Variants in EXOSC10 observed in about 807,000 individuals in gnomAD.
EXOSC10 encodes exosome component 10, also known as exosome complex component 10.
EXOSC10 carries 94 observed loss-of-function variants against 126.6 expected under a neutral mutation model. The ratio of observed to expected loss-of-function variants is 0.74; its 90% confidence interval spans 0.63 to 0.88. EXOSC10 has a LOEUF of 0.88. Among genes scored for constraint, EXOSC10 ranks in the 40% least tolerant of loss-of-function variants. The probability of loss-of-function intolerance (pLI) is 0.00; values close to 1 mark genes in which losing one functional copy is unlikely to be tolerated. For synonymous variants in EXOSC10, 395 were observed against 400.8 expected, an observed-to-expected ratio of 0.99 and a Z score of 0.17; for missense variants, 1,041 against 1,100.5, an observed-to-expected ratio of 0.95 and a Z score of 0.77.
chr1:11,095,118 A>G (rs1474090194), intron 3 of EXOSC10, among the ~76,000 whole-genome samples: 1 of 150,048 alleles, frequency 6.7e-6, no homozygotes, highest in Admixed American at 6.7e-5. Flanking sequence ...AGGCTGAGGT[A>G]GGAGAATCGC....
chr1:11,099,556 C>T (rs1045408477), intron 1 of EXOSC10, 165 bp downstream of exon 1: 6 of 640,996 alleles, frequency 9.4e-6, no homozygotes, highest in Admixed American at 7.6e-5. Flanking sequence ...TTCCGAGGCC[C>T]CATCCCCGGA....
At chr1:11,098,593 T>A (rs1371568139) in intron 1 of EXOSC10, among the ~76,000 whole-genome samples, 1 of 152,240 alleles carries the variant, frequency 6.6e-6, no homozygotes, top group Non-Finnish European at 1.5e-5. Context: ...TCTTGGCACA[T>A]AAGCGTTATT....
At position 11,081,093 on chromosome 1, in the gene EXOSC10, T is replaced by G; in HGVS notation, c.1426A>C (p.Ile476Leu). The G allele has an allele frequency of 6.2e-7, 1 of 1,614,178 alleles. No homozygotes were observed. The highest frequency in any genetic ancestry group is 8.5e-7 in the Non-Finnish European group (1 of 1,180,028). The change falls in exon 11 of 25, where the codon ATC becomes CTC. Residue 476 changes from isoleucine to leucine, a missense_variant. Ile to Leu is a conservative substitution (Grantham distance 5). This residue lies in a region of EXOSC10 where 645 missense variants were observed against 656.3 expected (regional missense o/e 0.98). Transcript: ENST00000376936. ...LQVVWQRSRD[I>L]CLKKFIKPIF... ...CGGCTGAGGTGTACCTTGAGGCAGATGTCCCTGCTCCGTTGCCACACCACC... is the reference window on the plus strand; with the variant it reads ...CGGCTGAGGTGTACCTTGAGGCAGAGGTCCCTGCTCCGTTGCCACACCACC...
intron 4 of EXOSC10, 54 bp from the exon 5 acceptor site, chr1:11,091,233 A>G (rs1175835234): frequency 6.6e-7 from 1 of 1,517,494 alleles, no homozygotes; most frequent in East Asian, 2.3e-5. Flanking sequence ...TGAATTAGAA[A>G]AGTAAATTCC....
At chr1:11,096,681 G>T (rs547630902) in intron 2 of EXOSC10, among the ~76,000 whole-genome samples, 1 of 151,318 alleles carries the variant, frequency 6.6e-6, no homozygotes. Context: ...GTCTCCCTAC[G>T]TTGCCCAGGC....
chr1:11,071,176 G>A (rs947735392), intron 20 of EXOSC10: 20 of 572,998 alleles, frequency 3.5e-5, no homozygotes, highest in South Asian at 8.7e-5. Context: ...TCAGCTACAC[G>A]TGAGCTGATC....
intron 18 of EXOSC10, 22 bp from the exon 19 acceptor site, chr1:11,074,030 G>GT: frequency 6.2e-7 from 1 of 1,609,442 alleles, no homozygotes; most frequent in Non-Finnish European, 8.5e-7. Context: ...AAATGGCTGT[G>GT]TGAAACGCTG....
chr1:11,079,819 T>C lies in EXOSC10; in HGVS notation c.1641A>G (p.Glu547=), dbSNP rs751467688. 1 of 1,610,718 alleles carries C rather than the reference T, an allele frequency of 6.2e-7. No individual in the cohort carries two copies. Among genetic ancestry groups the C allele is most frequent in the African/African-American group, 1.3e-5 (1 of 74,842 alleles). Residue 547 remains glutamate, a synonymous_variant, in exon 14 of 25, where the codon GAA becomes GAG. Transcript: ENST00000376936. ...MLKIAEELPK[E]PQGIIACCNP... ...TGCAGCAAGCTATGATGCCCTGAGGTTCCCTGAAGACAAGTAAGAACACAC... is the reference window on the plus strand; with the variant it reads ...TGCAGCAAGCTATGATGCCCTGAGGCTCCCTGAAGACAAGTAAGAACACAC...
chr1:11,083,694 G>A (rs1297558761), intron 9 of EXOSC10, among the ~76,000 whole-genome samples: 2 of 151,200 alleles, frequency 1.3e-5, no homozygotes, highest in Admixed American at 6.6e-5. Context: ...AGTTACATAT[G>A]TATACATGTG....
Position 11,085,302 on chromosome 1 carries a change from A to C in EXOSC10, c.1089+2146T>G, listed in dbSNP as rs571127253. On this transcript the variant is annotated intron_variant, in intron 9 of 24. Transcript: ENST00000376936. ...ATTTGTTTGTATCCTCTTTTATTTC[A>C]TTGAGCAGTGGTTTGTAGTTCTCCT... Among the ~76,000 whole-genome samples, 592 of 152,100 alleles carry C rather than the reference A, an allele frequency of 3.9e-3. 6 individuals carry two copies. Among genetic ancestry groups the C allele is most frequent in the African/African-American group, 0.013 (535 of 41,510 alleles).
intron 15 of EXOSC10, 40 bp from the exon 16 acceptor site, chr1:11,077,483 G>C (rs1639883044): frequency 6.2e-7 from 1 of 1,604,708 alleles, no homozygotes; most frequent in Non-Finnish European, 8.5e-7. Flanking sequence ...TGTAAAACGT[G>C]CAAGCCGGCA....
chr1:11,092,435 G>A (rs184862462), intron 3 of EXOSC10, among the ~76,000 whole-genome samples: 4 of 151,004 alleles, frequency 2.6e-5, no homozygotes, highest in African/African-American at 9.7e-5. Flanking sequence ...GGATGGTCTC[G>A]ATCTCTTGAC....
rs146890007 is a variant in EXOSC10, at chr1:11,087,492, T to C, written c.1045A>G (p.Met349Val). The change falls in exon 9 of 25, where the codon ATG becomes GTG. Residue 349 changes from methionine (M) to valine (V), a missense_variant. Transcript: ENST00000376936. ...IIDTLELRSD[M>V]YILNESLTDP... Reference sequence around the variant, plus strand: ...GTGAGGCTCTCATTGAGAATGTACATGTCACTTCGAAGCTCGAGGGTGTCA... The same window carrying C: ...GTGAGGCTCTCATTGAGAATGTACACGTCACTTCGAAGCTCGAGGGTGTCA... 1.8e-4 allele frequency: 284 copies of C among 1,614,102 alleles called. No individual in the cohort carries two copies. The South Asian group carries it at 2.5e-3, about 14-fold the overall frequency.
rs774975469 is a variant in EXOSC10 at position 11,087,895 on chromosome 1, C to G, written c.850G>C (p.Glu284Gln). The G allele has an allele frequency of 4.4e-6, 7 of 1,605,882 alleles. No individual in the cohort carries two copies. The East Asian group carries it at 1.6e-4, about 36-fold the overall frequency. Residue 284 changes from glutamate to glutamine, a missense_variant, in exon 8 of 25, where the codon GAA becomes CAA. Transcript: ENST00000376936. ...GATATGAAATGGCATGGTGTCTCTT[C>G]TATAGGTCTGTATAACTGGATCAAG... Reference protein sequence around the residue: ...KPQPQLYRPIEETPCHFISSL... With the variant: ...KPQPQLYRPIQETPCHFISSL...
Position 11,081,071 on chromosome 1 carries a change from CTGAGG to C in EXOSC10, c.1437+6_1437+10del, listed in dbSNP as rs1640138878. Reference sequence around the variant, plus strand: ...AGTGTCGCGGTCTGTGTGACTGCGGCTGAGGTGTACCTTGAGGCAGATGTCCCTGC... The same window carrying C: ...AGTGTCGCGGTCTGTGTGACTGCGGCTGTACCTTGAGGCAGATGTCCCTGC... On this transcript the variant is annotated splice_donor_region_variant and intron_variant, in intron 11 of 24. Transcript: ENST00000376936. The C allele has an allele frequency of 6.2e-7, 1 of 1,613,740 alleles. No homozygotes were observed.
At chr1:11,069,497 T>C in intron 22 of EXOSC10, 62 bp downstream of exon 22, 1 of 1,560,936 alleles carries the variant, frequency 6.4e-7, no homozygotes, top group Non-Finnish European at 8.7e-7. Context: ...GTGGTCTCTT[T>C]ATGGCTTCCT....
intron 4 of EXOSC10, 95 bp downstream of exon 4, chr1:11,091,398 T>G: frequency 8.9e-7 from 1 of 1,119,478 alleles, no homozygotes; most frequent in Non-Finnish European, 1.3e-6. Context: ...TGGCCAGTTC[T>G]CTAATAAATT....
At chr1:11,090,755 T>C (rs1270094163) in intron 5 of EXOSC10, 87 bp from the exon 6 acceptor site, 1 of 1,109,462 alleles carries the variant, frequency 9.0e-7, no homozygotes, top group African/African-American at 1.6e-5. Flanking sequence ...CCTTTGTTTT[T>C]TGGCTTTTTT....
chr1:11,080,262 T>A (rs1640069322), intron 13 of EXOSC10, among the ~76,000 whole-genome samples: 1 of 152,166 alleles, frequency 6.6e-6, no homozygotes, highest in Non-Finnish European at 1.5e-5. Flanking sequence ...CTCAGAGACT[T>A]AAAATAAACT....
Sources: allele counts gnomAD v4.1 joint callset (sites outside exome capture counted in the v4.1 genomes callset), GRCh38; gene constraint gnomAD v4.1.1; regional missense constraint gnomAD v4.1.1; transcripts MANE v1.5; gene names NCBI Gene and HGNC (gene_info 2026-07-23, HGNC 2026-07-21).